The following RARB variants were observed in gnomAD, a reference collection of about 807,000 sequenced individuals.
RARB encodes retinoic acid receptor beta.
In RARB, 17 loss-of-function variants were observed where a neutral mutation model predicts 51.9. The observed-to-expected ratio is 0.33, with a 90% confidence interval of 0.22 to 0.49. The LOEUF (loss-of-function observed/expected upper bound fraction) is 0.49, where lower values mean the gene tolerates loss of function less well. RARB is among the 20% of genes least tolerant of loss of function. The probability of loss-of-function intolerance (pLI) is 0.99; values close to 1 mark genes in which losing one functional copy is unlikely to be tolerated. For synonymous variants in RARB, 215 were observed against 195.4 expected (o/e 1.10, Z -0.84); for missense variants, 369 against 550.8 (o/e 0.67, Z 3.30).
chr3:25,130,972 T>TTATCATTGATAATATCAA (rs1327269540), intron 3 of RARB, among the ~76,000 whole-genome samples: 18 of 28,236 alleles, frequency 6.4e-4, no homozygotes, highest in African/African-American at 2.4e-3. Flanking sequence ...TTATCAATAT[T>TTATCATTGATAATATCAA]TATTATTGAT....
At chr3:25,298,003 C>A (rs1157852312) in intron 5 of RARB, among the ~76,000 whole-genome samples, 1 of 152,064 alleles carries the variant, frequency 6.6e-6, no homozygotes, top group Non-Finnish European at 1.5e-5. Context: ...GTGAATGATT[C>A]AGATATTCCA....
chr3:25,363,928 A>G (rs756712316), intron 5 of RARB, among the ~76,000 whole-genome samples: 53 of 152,050 alleles, frequency 3.5e-4, no homozygotes, highest in Admixed American at 6.6e-4. Flanking sequence ...ACTGGCTCAA[A>G]TGTTCTCTCA....
intron 5 of RARB, among the ~76,000 whole-genome samples, chr3:25,315,167 A>G (rs551902870): frequency 5.3e-5 from 8 of 152,256 alleles, no homozygotes; most frequent in South Asian, 2.1e-4. Flanking sequence ...CTCTCTGTCT[A>G]TAGGCTCTCT....
intron 5 of RARB, among the ~76,000 whole-genome samples, chr3:25,176,826 A>G (rs911255177): frequency 2.0e-5 from 3 of 152,222 alleles, no homozygotes; most frequent in African/African-American, 7.2e-5. Flanking sequence ...CTAATAAAGT[A>G]CAAGATGCCA....
intron 2 of RARB, among the ~76,000 whole-genome samples, chr3:25,044,345 A>G (rs951015864): frequency 1.3e-5 from 2 of 152,204 alleles, no homozygotes; most frequent in African/African-American, 4.8e-5. Context: ...CAGGAACTGT[A>G]TCTGAGTCTG....
rs569616238 is a variant in RARB at position 25,496,114 on chromosome 3, C to T, written c.307-5068C>T. Among the ~76,000 whole-genome samples the T allele has an allele frequency of 5.3e-5, 8 of 152,264 alleles. No individual in the cohort carries two copies. The South Asian group carries it at 6.2e-4, about 12-fold the overall frequency. On this transcript the variant is annotated intron_variant, in intron 2 of 7. Transcript: ENST00000330688. ...TAAGAAACTAAGGTATAATCCAAGACGGTTACTATGGCTCTGGTTATAGCT... is the reference window on the plus strand; with the variant it reads ...TAAGAAACTAAGGTATAATCCAAGATGGTTACTATGGCTCTGGTTATAGCT...
At chr3:24,984,979 G>C (rs530638258) in intron 2 of RARB, among the ~76,000 whole-genome samples, 1 of 152,094 alleles carries the variant, frequency 6.6e-6, no homozygotes. Context: ...CAGTTTTTTC[G>C]ACTGGAAAGT....
intron 5 of RARB, among the ~76,000 whole-genome samples, chr3:25,311,122 G>C (rs953554357): frequency 2.6e-5 from 4 of 152,200 alleles, no homozygotes; most frequent in Non-Finnish European, 5.9e-5. Context: ...GCTTCATAGA[G>C]GGTGTCGGGT....
Position 25,428,271 on chromosome 3 carries a change from A to G in RARB, c.-461A>G. On this transcript the variant is annotated 5_prime_UTR_variant, in exon 1 of 8. Coordinates refer to ENST00000330688, the MANE Select transcript of RARB (RefSeq NM_000965.5). The stretch of plus-strand genomic sequence containing the variant: ...TCAATCTTTCATTCTGTGTGACAGA[A>G]GTAGTAGGAAGTGAGCTGTTCAGAG... 8.1e-7 allele frequency: 1 copy of G among 1,233,560 alleles called. No homozygotes were observed. Among genetic ancestry groups the G allele is most frequent in the Non-Finnish European group, 1.0e-6 (1 of 989,142 alleles). The allele number at this position is 1,233,560 out of a possible 1,614,324, so 76.4% of individuals were successfully genotyped here.
chr3:25,396,976 C>G (rs1033692315), intron 5 of RARB, among the ~76,000 whole-genome samples: 1 of 152,188 alleles, frequency 6.6e-6, no homozygotes, highest in African/African-American at 2.4e-5. Flanking sequence ...AAGAAAGAAA[C>G]CTGGGCTTTC....
intron 5 of RARB, among the ~76,000 whole-genome samples, chr3:25,234,649 T>C (rs868842965): frequency 6.9e-6 from 1 of 144,128 alleles, no homozygotes; most frequent in Admixed American, 7.0e-5. Context: ...CCTGGGACTT[T>C]TTTTTCATAG....
chr3:25,103,571 C>G (rs1009769441), intron 3 of RARB, among the ~76,000 whole-genome samples: 12 of 152,152 alleles, frequency 7.9e-5, no homozygotes, highest in African/African-American at 2.4e-4. Context: ...GAAAGTTTTG[C>G]CCCCAGGCGA....
chr3:25,326,449 T>C (rs746812854), intron 5 of RARB, among the ~76,000 whole-genome samples: 1 of 152,218 alleles, frequency 6.6e-6, no homozygotes, highest in Non-Finnish European at 1.5e-5. Context: ...ATTAAGACAA[T>C]TGTCTAATTT....
intron 3 of RARB, among the ~76,000 whole-genome samples, chr3:25,544,359 A>T (rs1648039510): frequency 6.6e-6 from 1 of 152,196 alleles, no homozygotes; most frequent in South Asian, 2.1e-4. Flanking sequence ...TTTTTAAATG[A>T]TACTTTTGTA....
At chr3:24,947,253 G>T (rs577801521) in intron 2 of RARB, among the ~76,000 whole-genome samples, 1 of 152,266 alleles carries the variant, frequency 6.6e-6, no homozygotes, top group South Asian at 2.1e-4. Flanking sequence ...TGAATGTACT[G>T]GGAAAAGTCA....
intron 2 of RARB, among the ~76,000 whole-genome samples, chr3:25,471,040 TATA>T (rs1320372475): frequency 1.4e-4 from 22 of 152,360 alleles, no homozygotes; most frequent in African/African-American, 4.1e-4. Context: ...GATATAATTG[TATA>T]ATAATGCAAA....
intron 5 of RARB, among the ~76,000 whole-genome samples, chr3:25,233,722 G>C (rs1420389140): frequency 6.7e-6 from 1 of 150,144 alleles, no homozygotes; most frequent in Non-Finnish European, 1.5e-5. Flanking sequence ...TTGGGTAAGA[G>C]AATTTATTAT....
intron 5 of RARB, among the ~76,000 whole-genome samples, chr3:25,398,779 A>AAAT (rs1186082364): frequency 1.2e-4 from 19 of 152,204 alleles, no homozygotes; most frequent in Non-Finnish European, 2.4e-4. Flanking sequence ...TGTATTAAAC[A>AAAT]AATAACTGTA....
At chr3:25,358,720 G>T (rs1436267222) in intron 5 of RARB, among the ~76,000 whole-genome samples, 2 of 152,174 alleles carry the variant, frequency 1.3e-5, no homozygotes, top group Non-Finnish European at 2.9e-5. Flanking sequence ...GGCTTTTCCT[G>T]CATCTAATGA....
Sources: allele counts gnomAD v4.1 joint callset (sites outside exome capture counted in the v4.1 genomes callset), GRCh38; gene constraint gnomAD v4.1.1; transcripts MANE v1.5; gene names NCBI Gene and HGNC (gene_info 2026-07-23, HGNC 2026-07-21).